Variants in ADAM29 observed in about 807,000 individuals in gnomAD.
The protein encoded by ADAM29 is ADAM metallopeptidase domain 29.
For missense variants in ADAM29, 969 were observed against 1,001.8 expected (o/e 0.97, Z 0.44); for synonymous variants, 367 against 342.3 (o/e 1.07, Z -0.80).
At chr4:174,931,758 A>T (rs551401068) in intron 3 of ADAM29, among the ~76,000 whole-genome samples, 18 of 151,882 alleles carry the variant, frequency 1.2e-4, no homozygotes, top group African/African-American at 3.9e-4. Context: ...ATTTTCATTT[A>T]AAAAAAATCT....
chr4:174,965,379 T>G (rs913421959), intron 4 of ADAM29, among the ~76,000 whole-genome samples: 1 of 152,110 alleles, frequency 6.6e-6, no homozygotes, highest in Non-Finnish European at 1.5e-5. Context: ...TCTACCCCCA[T>G]GATCTGAACA....
intron 4 of ADAM29, among the ~76,000 whole-genome samples, chr4:174,942,449 C>T (rs897497975): frequency 6.6e-6 from 1 of 152,142 alleles, no homozygotes; most frequent in Non-Finnish European, 1.5e-5. Context: ...AAGTTCAACT[C>T]TTGTCTTCTG....
chr4:174,967,591 G>GA lies in ADAM29; in HGVS notation c.-180-7752dup, dbSNP rs567859955. Among the ~76,000 whole-genome samples the GA allele has an allele frequency of 1.9e-4, 29 of 152,244 alleles. No individual in the cohort carries two copies. The South Asian group carries it at 5.8e-3, about 30-fold the overall frequency. ...CTTAATGGATTTGATGATGAAAGGGGAAACACTGCACATAGCAAGAAATGG... is the reference window on the plus strand; with the variant it reads ...CTTAATGGATTTGATGATGAAAGGGGAAAACACTGCACATAGCAAGAAATGG... On this transcript the variant is annotated intron_variant, in intron 4 of 4. Coordinates refer to ENST00000359240, the MANE Select transcript of ADAM29 (RefSeq NM_014269.4).
rs774404395 is a variant in ADAM29 at position 174,977,687 on chromosome 4, T to G, written c.2162T>G (p.Ile721Ser). ...CCATCTGCAAAAGAAGAGGAAAAAA[T>G]TCAGCGTCGACCTCATGAGTTACCT... ...QTPSAKEEEKIQRRPHELPPQ... is the reference protein window; with the variant it reads ...QTPSAKEEEKSQRRPHELPPQ... Residue 721 changes from isoleucine (I) to serine (S), a missense_variant, in exon 5 of 5, where the codon ATT becomes AGT. Ile to Ser is a moderately radical substitution (Grantham distance 142). Coordinates refer to ENST00000359240, the MANE Select transcript of ADAM29 (RefSeq NM_014269.4). 1.9e-6 allele frequency: 3 copies of G among 1,614,098 alleles called. No individual in the cohort carries two copies. Among genetic ancestry groups the G allele is most frequent in the Non-Finnish European group, 2.5e-6 (3 of 1,180,012 alleles).
intron 4 of ADAM29, among the ~76,000 whole-genome samples, chr4:174,940,452 A>G (rs1176574380): frequency 6.6e-6 from 1 of 152,178 alleles, no homozygotes; most frequent in African/African-American, 2.4e-5. Context: ...TGTTATAATT[A>G]AAACTACTTG....
chr4:174,931,214 C>A (rs1743850282), intron 3 of ADAM29, 40 bp downstream of exon 3: 1 of 152,194 alleles, frequency 6.6e-6, no homozygotes, highest in Admixed American at 6.5e-5. Flanking sequence ...ATCACCAAAC[C>A]AGACTCACTG....
At chr4:174,925,519 G>A (rs1416836262) in intron 2 of ADAM29, among the ~76,000 whole-genome samples, 1 of 152,154 alleles carries the variant, frequency 6.6e-6, no homozygotes, top group African/African-American at 2.4e-5. Context: ...ATTAAAGAAA[G>A]GAAGAAAGGA....
chr4:174,946,850 TTGTC>T (rs944592107), intron 4 of ADAM29, among the ~76,000 whole-genome samples: 1 of 152,140 alleles, frequency 6.6e-6, no homozygotes, highest in Non-Finnish European at 1.5e-5. Flanking sequence ...CTGGTAGAAT[TTGTC>T]TGTAATTCTT....
chr4:174,922,000 C>T (rs965770385), intron 2 of ADAM29, among the ~76,000 whole-genome samples: 1 of 152,158 alleles, frequency 6.6e-6, no homozygotes, highest in Admixed American at 6.5e-5. Context: ...ATTGAAATCA[C>T]TCTATTGAGT....
chr4:174,937,960 G>A (rs1051265193), intron 4 of ADAM29, among the ~76,000 whole-genome samples: 3 of 152,012 alleles, frequency 2.0e-5, no homozygotes, highest in African/African-American at 7.2e-5. Context: ...ATTGTTTGTA[G>A]TCCAACAAAA....
chr4:174,933,858 T>C (rs1177534736), intron 3 of ADAM29, among the ~76,000 whole-genome samples: 1 of 152,228 alleles, frequency 6.6e-6, no homozygotes, highest in Non-Finnish European at 1.5e-5. Context: ...GTACCTCATT[T>C]TCTTCATCCA....
intron 4 of ADAM29, among the ~76,000 whole-genome samples, chr4:174,963,327 T>C (rs1360831232): frequency 6.6e-6 from 1 of 152,178 alleles, no homozygotes; most frequent in East Asian, 1.9e-4. Flanking sequence ...GTGTAATTTT[T>C]ATGATATCAG....
In ADAM29 at chr4:174,977,885, A is replaced by T; in HGVS notation, c.2360A>T (p.His787Leu). 6.3e-7 allele frequency: 1 copy of T among 1,586,494 alleles called. No individual in the cohort carries two copies. Among genetic ancestry groups the T allele is most frequent in the Non-Finnish European group, 8.6e-7 (1 of 1,165,194 alleles). The change falls in exon 5 of 5, where the codon CAT (histidine) becomes CTT (leucine). Residue 787 changes from histidine to leucine, a missense_variant. Physicochemically the swap from His to Leu is moderately conservative, Grantham distance 99. Coordinates refer to ENST00000359240, the MANE Select transcript of ADAM29 (RefSeq NM_014269.4). ...SQPPVMPSQS[H>L]PQLTPSQSQP... ...CCTCCTGTGATGCCTTCCCAGAGTCATCCTCAGTTGACGCCTTCCCAGAGT... is the reference window on the plus strand; with the variant it reads ...CCTCCTGTGATGCCTTCCCAGAGTCTTCCTCAGTTGACGCCTTCCCAGAGT...
intron 4 of ADAM29, among the ~76,000 whole-genome samples, chr4:174,962,254 G>A (rs887795072): frequency 1.3e-5 from 2 of 152,122 alleles, no homozygotes; most frequent in East Asian, 1.9e-4. Context: ...GCTCATGCCT[G>A]TAATCCCAGT....
chr4:174,957,349 A>G (rs1745563089), intron 4 of ADAM29, among the ~76,000 whole-genome samples: 1 of 151,808 alleles, frequency 6.6e-6, no homozygotes, highest in Non-Finnish European at 1.5e-5. Context: ...TGTTACTCTT[A>G]TCTGGGTACC....
chr4:174,957,805 T>C (rs989580039), intron 4 of ADAM29, among the ~76,000 whole-genome samples: 5 of 151,866 alleles, frequency 3.3e-5, no homozygotes, highest in African/African-American at 4.8e-5. Flanking sequence ...AGAATGAATT[T>C]AAATTGACCT....
chr4:174,947,899 A>T (rs1280355447), intron 4 of ADAM29, among the ~76,000 whole-genome samples: 1 of 152,190 alleles, frequency 6.6e-6, no homozygotes, highest in East Asian at 1.9e-4. Flanking sequence ...TTTGTCTGAC[A>T]GAGCTAATTT....
Position 174,976,422 on chromosome 4 carries a change from C to G in ADAM29, c.897C>G (p.Gly299=), listed in dbSNP as rs748737565. 2.9e-5 allele frequency: 46 copies of G among 1,597,884 alleles called. No individual in the cohort carries two copies. Among genetic ancestry groups the G allele is most frequent in the Non-Finnish European group, 3.9e-5 (46 of 1,173,262 alleles). ...FTTLGLRGLS[G]IGAFRGMCTP... ...CTCTAGGATTAAGAGGGTTAAGTGG[C>G]ATAGGAGCTTTTAGAGGAATGTGTA... Residue 299 remains glycine, a synonymous_variant, in exon 5 of 5, where the codon GGC becomes GGG. Transcript: ENST00000359240.
rs56004315 is a variant in ADAM29 at position 174,938,231 on chromosome 4, C to G, written c.-181+1218C>G. On this transcript the variant is annotated intron_variant, in intron 4 of 4. Coordinates refer to ENST00000359240, the MANE Select transcript of ADAM29 (RefSeq NM_014269.4). ...ATTAAAAAACCAAGAAATCTTGGGGCGGGGCAAGAAGTCTACTAGGTAGCA... is the reference window on the plus strand; with the variant it reads ...ATTAAAAAACCAAGAAATCTTGGGGGGGGGCAAGAAGTCTACTAGGTAGCA... Among the ~76,000 whole-genome samples, 3 of 151,638 alleles carry G rather than the reference C, an allele frequency of 2.0e-5. No individual in the cohort carries two copies. In the South Asian group the frequency reaches 6.3e-4, roughly 32 times the overall value.
Sources: allele counts gnomAD v4.1 joint callset (sites outside exome capture counted in the v4.1 genomes callset), GRCh38; gene constraint gnomAD v4.1.1; transcripts MANE v1.5; gene names NCBI Gene and HGNC (gene_info 2026-07-23, HGNC 2026-07-21).